Variants in KIAA1549L observed in about 807,000 individuals in gnomAD.
KIAA1549L encodes the protein UPF0606 protein KIAA1549L.
A neutral mutation model predicts 160.7 loss-of-function variants in KIAA1549L; 88 were observed. The observed-to-expected ratio is 0.55, with a 90% confidence interval of 0.46 to 0.65. The LOEUF (loss-of-function observed/expected upper bound fraction) is 0.65, where lower values mean the gene tolerates loss of function less well. KIAA1549L is among the 30% of genes least tolerant of loss of function. The probability of loss-of-function intolerance (pLI) is 0.00; values close to 1 mark genes in which losing one functional copy is unlikely to be tolerated. For synonymous variants in KIAA1549L, 950 were observed against 976.7 expected, an observed-to-expected ratio of 0.97 and a Z score of 0.51; for missense variants, 2,258 against 2,437.5, an observed-to-expected ratio of 0.93 and a Z score of 1.55.
At chr11:33,457,604 A>G (rs1391166546) in intron 1 of KIAA1549L, among the ~76,000 whole-genome samples, 1 of 152,180 alleles carries the variant, frequency 6.6e-6, no homozygotes, top group Non-Finnish European at 1.5e-5. Flanking sequence ...AAAGACTGAA[A>G]TATAGGTTCA....
chr11:33,499,329 T>C (rs2208631), intron 1 of KIAA1549L, among the ~76,000 whole-genome samples: 109,433 of 152,124 alleles, frequency 0.72, 40,029 homozygotes, highest in African/African-American at 0.86. Flanking sequence ...GGTGGCATCC[T>C]TCACTAACTA....
chr11:33,382,418 T>C (rs985952050), intron 1 of KIAA1549L, among the ~76,000 whole-genome samples: 3 of 151,854 alleles, frequency 2.0e-5, no homozygotes, highest in Admixed American at 6.6e-5. Flanking sequence ...GGGATAAAAC[T>C]CTAACTGCAG....
At chr11:33,460,072 A>G (rs760694544) in intron 1 of KIAA1549L, among the ~76,000 whole-genome samples, 2 of 151,156 alleles carry the variant, frequency 1.3e-5, no homozygotes, top group Non-Finnish European at 2.9e-5. Flanking sequence ...CATACTCCCT[A>G]CTCTTCATGG....
rs895837096 is a variant in KIAA1549L, at chr11:33,674,049, C to G, written c.*5895C>G. ...CTGCCGGGAACAGAGTGTTCATATG[C>G]TGTTAGAATTTTTTATTGTAAAATA... is the stretch of plus-strand genomic sequence containing the variant. On this transcript the variant is annotated 3_prime_UTR_variant, in exon 21 of 21. Transcript: ENST00000658780. 6 of 152,342 alleles carry G rather than the reference C, an allele frequency of 3.9e-5. No individual in the cohort carries two copies. The Middle Eastern group carries it at 0.01, about 259-fold the overall frequency. 9.4% of individuals were successfully genotyped at this position (152,342 alleles called of 1,614,324 possible). A position where few individuals can be genotyped will look rare whatever the true frequency, so the allele number is the denominator to read the frequency against.
At chr11:33,385,188 A>G (rs892408511) in intron 1 of KIAA1549L, among the ~76,000 whole-genome samples, 6 of 152,156 alleles carry the variant, frequency 3.9e-5, no homozygotes, top group Admixed American at 2.0e-4. Flanking sequence ...TGGATATTTA[A>G]TTGTTCTAGC....
At chr11:33,398,183 A>G (rs994610625) in intron 1 of KIAA1549L, among the ~76,000 whole-genome samples, 1 of 151,628 alleles carries the variant, frequency 6.6e-6, no homozygotes, top group Non-Finnish European at 1.5e-5. Flanking sequence ...CAGCCTCCCA[A>G]AGTGCTGGGA....
At position 33,645,804 on chromosome 11, in the gene KIAA1549L, C is replaced by A; in HGVS notation, c.5528C>A (p.Ser1843Tyr). 1.2e-6 allele frequency: 2 copies of A among 1,614,002 alleles called. No homozygotes were observed. Among genetic ancestry groups the A allele is most frequent in the South Asian group, 2.2e-5 (2 of 91,086 alleles). ...SETSTLSSQP[S>Y]IDEVRQQMHM... ...ACCTCCACACTGAGCTCCCAGCCAT[C>A]CATCGACGAGGTCAGGCAGCAGATG... Residue 1843 changes from serine (S) to tyrosine (Y), a missense_variant, in exon 17 of 21, where the codon TCC becomes TAC. This residue lies in a region of KIAA1549L where 1,359 missense variants were observed against 1,546.6 expected (regional missense o/e 0.88). Transcript: ENST00000658780.
chr11:33,615,569 C>T (rs1486436505), intron 15 of KIAA1549L, among the ~76,000 whole-genome samples: 1 of 152,054 alleles, frequency 6.6e-6, no homozygotes, highest in Non-Finnish European at 1.5e-5. Flanking sequence ...ACCAGGCCTG[C>T]ATTGGTGGTC....
At chr11:33,450,491 C>T (rs1851697494) in intron 1 of KIAA1549L, among the ~76,000 whole-genome samples, 2 of 152,058 alleles carry the variant, frequency 1.3e-5, no homozygotes, top group South Asian at 4.1e-4. Flanking sequence ...GGCTGGGAAT[C>T]TGGGGCTGCA....
chr11:33,503,663 T>C (rs1853006671), intron 1 of KIAA1549L, among the ~76,000 whole-genome samples: 1 of 152,248 alleles, frequency 6.6e-6, no homozygotes, highest in South Asian at 2.1e-4. Flanking sequence ...ATTCCCATTA[T>C]ATAAAGTGAA....
At chr11:33,552,367 T>C in intron 6 of KIAA1549L, 126 bp downstream of exon 6, 1 of 1,028,810 alleles carries the variant, frequency 9.7e-7, no homozygotes, top group Non-Finnish European at 1.4e-6. Context: ...ACTTCAGACA[T>C]TGGTGAGGAT....
At position 33,559,790 on chromosome 11, in the gene KIAA1549L, G is replaced by A. The variant is rs1854778818; in HGVS notation, c.3897G>A (p.Val1299=). ...TSNASQAVTL[V]YVVGNQSTFL... ...ATGCCTCCCAGGCAGTCACCTTGGT[G>A]TACGTCGTGGGCAATCAGAGCACAT... Residue 1299 remains valine, a synonymous_variant, in exon 7 of 21, where the codon GTG becomes GTA. Coordinates refer to ENST00000658780, the MANE Select transcript of KIAA1549L (RefSeq NM_012194.3). The A allele has an allele frequency of 6.2e-7, 1 of 1,613,874 alleles. No homozygotes were observed. Among genetic ancestry groups the A allele is most frequent in the Non-Finnish European group, 8.5e-7 (1 of 1,179,860 alleles).
At chr11:33,383,105 A>T (rs1490105343) in intron 1 of KIAA1549L, among the ~76,000 whole-genome samples, 1 of 152,150 alleles carries the variant, frequency 6.6e-6, no homozygotes, top group African/African-American at 2.4e-5. Flanking sequence ...CCACCATGGA[A>T]ACTTCAGGAT....
intron 1 of KIAA1549L, among the ~76,000 whole-genome samples, chr11:33,460,722 A>G (rs1395555091): frequency 6.6e-6 from 1 of 152,224 alleles, no homozygotes; most frequent in East Asian, 1.9e-4. Flanking sequence ...TAATTCCTTT[A>G]CCTATGTGCT....
At chr11:33,596,183 T>C (rs1850193895) in intron 12 of KIAA1549L, among the ~76,000 whole-genome samples, 1 of 152,208 alleles carries the variant, frequency 6.6e-6, no homozygotes, top group South Asian at 2.1e-4. Context: ...TGACACTTTC[T>C]TGCTTTCAAA....
At chr11:33,562,829 C>A (rs999637273) in intron 8 of KIAA1549L, among the ~76,000 whole-genome samples, 1 of 152,000 alleles carries the variant, frequency 6.6e-6, no homozygotes, top group Admixed American at 6.5e-5. Flanking sequence ...CAGGCACACA[C>A]CACCATAACC....
intron 1 of KIAA1549L, among the ~76,000 whole-genome samples, chr11:33,437,173 C>G (rs1257087950): frequency 6.6e-6 from 1 of 152,176 alleles, no homozygotes; most frequent in African/African-American, 2.4e-5. Context: ...ATGCTACCTT[C>G]CATTTCTAAA....
intron 16 of KIAA1549L, among the ~76,000 whole-genome samples, chr11:33,644,058 G>A (rs543176508): frequency 5.3e-5 from 8 of 152,108 alleles, no homozygotes; most frequent in Non-Finnish European, 8.8e-5. Flanking sequence ...GTTTATGATC[G>A]CAAAGGTAAC....
chr11:33,601,402 A>G (rs1208800863), intron 13 of KIAA1549L, among the ~76,000 whole-genome samples: 1 of 152,232 alleles, frequency 6.6e-6, no homozygotes, highest in Non-Finnish European at 1.5e-5. Flanking sequence ...CCATTTTATC[A>G]TAATCCTAGG....
Sources: allele counts gnomAD v4.1 joint callset (sites outside exome capture counted in the v4.1 genomes callset), GRCh38; gene constraint gnomAD v4.1.1; regional missense constraint gnomAD v4.1.1; transcripts MANE v1.5; gene names NCBI Gene and HGNC (gene_info 2026-07-23, HGNC 2026-07-21).